CLSTN2: variants seen among roughly 807,000 people sequenced by gnomAD.
CLSTN2 encodes calsyntenin-2.
A neutral mutation model predicts 101.2 loss-of-function variants in CLSTN2; 48 were observed. The observed-to-expected ratio is 0.47, with a 90% CI of 0.38 to 0.60. The LOEUF (loss-of-function observed/expected upper bound fraction) is 0.60. CLSTN2 is among the 20% of genes least tolerant of loss of function. The pLI is 0.00. For synonymous variants in CLSTN2, 481 were observed against 463.6 expected, an observed-to-expected ratio of 1.04 and a Z score of -0.48; for missense variants, 1,160 against 1,238.2, an observed-to-expected ratio of 0.94 and a Z score of 0.95.
chr3:140,394,490 C>CTTCTT (rs2088158258), intron 2 of CLSTN2, among the ~76,000 whole-genome samples: 3 of 152,296 alleles, frequency 2.0e-5, no homozygotes. Flanking sequence ...ACAGCTACAG[C>CTTCTT]ACTTCTCTGG....
In CLSTN2 at chr3:140,196,117, CGAA is replaced by C. The variant is rs767258757; in HGVS notation, c.232+20051_232+20053del. ...AATCCAAAGGCATCTTTCGTGTTAC[CGAA>C]GAAGAATGCCTGGGAACAGCCACAC... On this transcript the variant is annotated intron_variant, in intron 2 of 16. Transcript: ENST00000458420. Among the ~76,000 whole-genome samples the C allele has an allele frequency of 1.9e-4, 29 of 152,094 alleles. 1 individual carries two copies. Among genetic ancestry groups the C allele is most frequent in the Non-Finnish European group, 1.8e-4 (12 of 68,022 alleles).
intron 2 of CLSTN2, among the ~76,000 whole-genome samples, chr3:140,347,715 T>G (rs979338152): frequency 5.3e-5 from 8 of 152,238 alleles, no homozygotes; most frequent in Non-Finnish European, 8.8e-5. Flanking sequence ...ACATGAATAT[T>G]CATCAAATCA....
intron 2 of CLSTN2, among the ~76,000 whole-genome samples, chr3:140,299,044 C>G (rs1480032185): frequency 1.3e-5 from 2 of 152,182 alleles, no homozygotes; most frequent in African/African-American, 4.8e-5. Context: ...TCACTGTCAC[C>G]TGGGCTCTCC....
intron 2 of CLSTN2, among the ~76,000 whole-genome samples, chr3:140,195,726 C>T (rs1347353903): frequency 4.6e-5 from 7 of 152,094 alleles, no homozygotes; most frequent in Admixed American, 3.3e-4. Context: ...TTAAACAATA[C>T]TGCTGACTGT....
chr3:139,940,227 T>C (rs1291628742), intron 1 of CLSTN2, among the ~76,000 whole-genome samples: 1 of 152,242 alleles, frequency 6.6e-6, no homozygotes, highest in East Asian at 1.9e-4. Context: ...TCCCTAGTGC[T>C]GTCATTTCTT....
At chr3:139,979,484 C>T (rs545136934) in intron 1 of CLSTN2, among the ~76,000 whole-genome samples, 6 of 152,298 alleles carry the variant, frequency 3.9e-5, no homozygotes, top group South Asian at 2.1e-4. Context: ...CACCACAGCC[C>T]GCACATCCCT....
In CLSTN2 at chr3:140,139,628, G is replaced by A. The variant is rs556351171; in HGVS notation, c.110-36323G>A. ...CCAATGTGCAGCCAGGGTGAAAACC[G>A]CTGCTTCAGGGGCAAGCAGAGCTAA... On this transcript the variant is annotated intron_variant, in intron 1 of 16. Coordinates refer to ENST00000458420, the MANE Select transcript of CLSTN2 (RefSeq NM_022131.3). Among the ~76,000 whole-genome samples, 102 of 152,322 alleles carry A rather than the reference G, an allele frequency of 6.7e-4. 1 individual carries two copies. The South Asian group carries it at 7.0e-3, about 11-fold the overall frequency.
At chr3:140,080,751 C>G (rs996307985) in intron 1 of CLSTN2, among the ~76,000 whole-genome samples, 1 of 152,216 alleles carries the variant, frequency 6.6e-6, no homozygotes, top group African/African-American at 2.4e-5. Context: ...CCCAAACACC[C>G]TCCAATCAGT....
chr3:140,311,743 C>T (rs969442237), intron 2 of CLSTN2, among the ~76,000 whole-genome samples: 4 of 152,162 alleles, frequency 2.6e-5, no homozygotes, highest in East Asian at 3.8e-4. Flanking sequence ...AAGTGAGACA[C>T]GAGACATGGG....
intron 9 of CLSTN2, among the ~76,000 whole-genome samples, chr3:140,532,935 C>T (rs545608530): frequency 6.6e-6 from 1 of 152,310 alleles, no homozygotes; most frequent in South Asian, 2.1e-4. Flanking sequence ...CACAAATGCC[C>T]AGGGCTTGCC....
At chr3:140,093,715 G>A (rs1332293827) in intron 1 of CLSTN2, among the ~76,000 whole-genome samples, 2 of 152,116 alleles carry the variant, frequency 1.3e-5, no homozygotes, top group African/African-American at 4.8e-5. Flanking sequence ...CCAATGACCA[G>A]TGTGCAAAAT....
intron 8 of CLSTN2, among the ~76,000 whole-genome samples, chr3:140,493,710 T>C (rs1295774041): frequency 1.3e-5 from 2 of 152,236 alleles, no homozygotes; most frequent in Non-Finnish European, 2.9e-5. Context: ...GGATCTGCTC[T>C]ACGAGCTTTG....
intron 1 of CLSTN2, among the ~76,000 whole-genome samples, chr3:139,995,959 A>G (rs1219797899): frequency 6.6e-6 from 1 of 152,232 alleles, no homozygotes; most frequent in Non-Finnish European, 1.5e-5. Context: ...CTTTTATTAA[A>G]AAATGTAATA....
At chr3:140,385,357 C>CTTTTTTTTTT (rs546696189) in intron 2 of CLSTN2, among the ~76,000 whole-genome samples, 2 of 72,838 alleles carry the variant, frequency 2.7e-5, no homozygotes, top group African/African-American at 6.5e-5. Context: ...CCCTGATGTT[C>CTTTTTTTTTT]TTTTTTTTTT....
rs557393324 is a variant in CLSTN2, at chr3:140,509,339, T to A, written c.1345-22985T>A. Among the ~76,000 whole-genome samples, 12 of 152,282 alleles carry A rather than the reference T, an allele frequency of 7.9e-5. No homozygotes were observed. The South Asian group carries it at 1.2e-3, about 16-fold the overall frequency. ...CACCAAAACCACCTGGAGGGCTTAT[T>A]GAAACACAAATGGCCAAGCCCTGCT... On this transcript the variant is annotated intron_variant, in intron 8 of 16. Transcript: ENST00000458420.
intron 2 of CLSTN2, among the ~76,000 whole-genome samples, chr3:140,309,166 A>G (rs995731254): frequency 6.6e-6 from 1 of 152,212 alleles, no homozygotes; most frequent in African/African-American, 2.4e-5. Context: ...TTAAATTATG[A>G]TCTTGACAAG....
intron 6 of CLSTN2, among the ~76,000 whole-genome samples, chr3:140,450,276 A>T (rs754181258): frequency 6.6e-6 from 1 of 152,320 alleles, no homozygotes; most frequent in East Asian, 1.9e-4. Context: ...TGTCTAAATG[A>T]TGGGCATTTT....
At chr3:140,027,263 G>A (rs1576401544) in intron 1 of CLSTN2, among the ~76,000 whole-genome samples, 1 of 152,152 alleles carries the variant, frequency 6.6e-6, no homozygotes, top group Non-Finnish European at 1.5e-5. Flanking sequence ...TTTGGAAAGA[G>A]AACCTTTGCA....
At chr3:140,160,617 A>G (rs966843412) in intron 1 of CLSTN2, among the ~76,000 whole-genome samples, 19 of 149,830 alleles carry the variant, frequency 1.3e-4, no homozygotes, top group Non-Finnish European at 2.5e-4. Flanking sequence ...GTGTCTATTC[A>G]TCCTATTTTT....
Sources: allele counts gnomAD v4.1 joint callset (sites outside exome capture counted in the v4.1 genomes callset), GRCh38; gene constraint gnomAD v4.1.1; transcripts MANE v1.5; gene names NCBI Gene and HGNC (gene_info 2026-07-23, HGNC 2026-07-21).